RGS6: variants seen among roughly 807,000 people sequenced by gnomAD.
RGS6 encodes regulator of G protein signaling 6, also known as regulator of G-protein signaling 6.
In RGS6, 30 loss-of-function variants were observed where a neutral mutation model predicts 78.5. The observed-to-expected ratio is 0.38, with a 90% CI of 0.29 to 0.52. RGS6 has a LOEUF of 0.52. RGS6 is among the 20% of genes least tolerant of loss of function. RGS6 has a pLI of 0.85. For synonymous variants in RGS6, 206 were observed against 206.0 expected, an observed-to-expected ratio of 1.00 and a Z score of 0.00; for missense variants, 495 against 609.7, an observed-to-expected ratio of 0.81 and a Z score of 1.98.
In RGS6 at chr14:72,199,780, T is replaced by C. The variant is rs2041059786; in HGVS notation, c.85-152315T>C. On this transcript the variant is annotated intron_variant, in intron 2 of 17. Transcript: ENST00000553525. ...GGTCTAAGTGGTGGAAGGATGTGTC[T>C]TTCCTTTAATGTGATATAAGCCAGA... Among the ~76,000 whole-genome samples the C allele has an allele frequency of 2.0e-5, 3 of 152,216 alleles. No individual in the cohort carries two copies. The South Asian group carries it at 6.2e-4, about 32-fold the overall frequency.
intron 13 of RGS6, among the ~76,000 whole-genome samples, chr14:72,501,827 C>A (rs562092355): frequency 2.6e-5 from 4 of 152,234 alleles, no homozygotes; most frequent in South Asian, 4.1e-4. Context: ...CTACAAGGAA[C>A]CTGGCTTGTC....
chr14:72,522,403 C>T (rs1000191283), intron 15 of RGS6, among the ~76,000 whole-genome samples: 1 of 152,220 alleles, frequency 6.6e-6, no homozygotes, highest in African/African-American at 2.4e-5. Context: ...CATTCCACAA[C>T]AGGGCGATTT....
chr14:72,382,559 A>T (rs996387403), intron 3 of RGS6, among the ~76,000 whole-genome samples: 4 of 152,210 alleles, frequency 2.6e-5, no homozygotes, highest in Non-Finnish European at 4.4e-5. Context: ...TTGAACTCTT[A>T]CATATTTATG....
intron 3 of RGS6, among the ~76,000 whole-genome samples, chr14:72,380,799 T>C (rs2152885626): frequency 6.6e-6 from 1 of 152,200 alleles, no homozygotes; most frequent in African/African-American, 2.4e-5. Flanking sequence ...TACTATAGCA[T>C]CCAGCAATTC....
chr14:72,277,609 A>AT (rs2060892754), intron 2 of RGS6, among the ~76,000 whole-genome samples: 1 of 146,228 alleles, frequency 6.8e-6, no homozygotes, highest in African/African-American at 2.5e-5. Context: ...AATAAAAAAA[A>AT]AAAATTTTAA....
At chr14:72,615,385 A>G in the RGS6 span, among the ~76,000 whole-genome samples, 1 of 152,226 alleles carries the variant, frequency 6.6e-6, no homozygotes, top group Non-Finnish European at 1.5e-5. Flanking sequence ...AAGGAAAAGT[A>G]ATAACAATCA....
intron 15 of RGS6, among the ~76,000 whole-genome samples, chr14:72,523,177 T>C (rs527803920): frequency 6.6e-6 from 1 of 152,284 alleles, no homozygotes; most frequent in Admixed American, 6.5e-5. Flanking sequence ...CCTCGCTTGC[T>C]GGCCAAGATT....
chr14:72,213,007 C>T (rs1324037485), intron 2 of RGS6, among the ~76,000 whole-genome samples: 2 of 152,150 alleles, frequency 1.3e-5, no homozygotes, highest in Non-Finnish European at 2.9e-5. Flanking sequence ...TATTGCATTA[C>T]CTGGGTAAAG....
intron 3 of RGS6, among the ~76,000 whole-genome samples, chr14:72,375,687 T>TG (rs774818293): frequency 6.6e-6 from 1 of 152,294 alleles, no homozygotes; most frequent in East Asian, 1.9e-4. Context: ...AGCCCACCTC[T>TG]GGAAAAGTTG....
rs183349547 is a variant in RGS6 at position 72,375,326 on chromosome 14, G to A, written c.184+23132G>A. On this transcript the variant is annotated intron_variant, in intron 3 of 17. Transcript: ENST00000553525. The stretch of plus-strand genomic sequence containing the variant: ...TAAAATGAAAACAAATCTATATCTA[G>A]CTACATTGATGTCAAATTTCAGAAC... Among the ~76,000 whole-genome samples the A allele has an allele frequency of 2.1e-3, 319 of 152,244 alleles. 2 individuals are homozygous for A. The highest frequency in any genetic ancestry group is 7.6e-3 in the African/African-American group (315 of 41,548).
At chr14:72,302,681 T>TACACACAC (rs34627833) in intron 2 of RGS6, among the ~76,000 whole-genome samples, 15 of 147,770 alleles carry the variant, frequency 1.0e-4, no homozygotes, top group African/African-American at 3.2e-4. Context: ...CACATACACA[T>TACACACAC]ACACACACAC....
chr14:72,554,016 G>A (rs1027408878), intron 17 of RGS6, among the ~76,000 whole-genome samples: 3 of 152,218 alleles, frequency 2.0e-5, no homozygotes, highest in South Asian at 2.1e-4. Context: ...TCCTGAAAAC[G>A]CTGCTTAGTC....
the RGS6 span, among the ~76,000 whole-genome samples, chr14:71,918,484 T>C: frequency 6.6e-6 from 1 of 152,154 alleles, no homozygotes; most frequent in East Asian, 1.9e-4. Flanking sequence ...TAGAGACCCC[T>C]CAAAGAGAAT....
At chr14:72,088,159 A>T (rs1305571012) in intron 2 of RGS6, among the ~76,000 whole-genome samples, 1 of 152,210 alleles carries the variant, frequency 6.6e-6, no homozygotes, top group African/African-American at 2.4e-5. Context: ...CTGTGTTGCC[A>T]GTCACCTGAG....
intron 2 of RGS6, among the ~76,000 whole-genome samples, chr14:72,296,851 TC>T (rs2064940055): frequency 6.6e-6 from 1 of 152,196 alleles, no homozygotes; most frequent in Admixed American, 6.5e-5. Context: ...AATCTTGCCT[TC>T]CTCAAAGTCA....
intron 3 of RGS6, among the ~76,000 whole-genome samples, chr14:72,427,115 G>C (rs2094461146): frequency 6.6e-6 from 1 of 152,154 alleles, no homozygotes; most frequent in South Asian, 2.1e-4. Context: ...AGTACTGTAG[G>C]TTCAAGGTTT....
chr14:72,302,135 G>A (rs968467355), intron 2 of RGS6, among the ~76,000 whole-genome samples: 1 of 152,182 alleles, frequency 6.6e-6, no homozygotes, highest in African/African-American at 2.4e-5. Flanking sequence ...CTGCAAGGTG[G>A]AAGAGGTGAT....
chr14:72,322,126 A>G (rs941504687), intron 2 of RGS6, among the ~76,000 whole-genome samples: 3 of 152,090 alleles, frequency 2.0e-5, no homozygotes, highest in Admixed American at 1.3e-4. Context: ...CAAAAAATAA[A>G]GGAAATCAGT....
chr14:71,897,902 C>G, the RGS6 span, among the ~76,000 whole-genome samples: 1 of 149,670 alleles, frequency 6.7e-6, no homozygotes, highest in Non-Finnish European at 1.5e-5. Context: ...TTTTTTTTTT[C>G]TTGAAGGAAC....
Sources: gnomAD v4.1 joint callset for allele counts (sites outside exome capture counted in the v4.1 genomes callset) on GRCh38, gnomAD v4.1.1 for gene constraint, MANE v1.5 for transcripts, NCBI Gene and HGNC (gene_info 2026-07-23, HGNC 2026-07-21) for gene names.